The following SLCO1A2 variants were observed in gnomAD, a reference collection of about 807,000 sequenced individuals.
SLCO1A2 encodes the protein solute carrier organic anion transporter family member 1A2.
In SLCO1A2, 67 loss-of-function variants were observed where a neutral mutation model predicts 69.0. That is an observed-to-expected ratio of 0.97 (90% confidence interval 0.80 to 1.19). SLCO1A2 has a LOEUF of 1.19. Ranked by LOEUF, SLCO1A2 falls within the 50% of genes most tolerant of loss-of-function variation. The pLI is 0.00. For missense variants in SLCO1A2, 787 were observed against 793.7 expected, an observed-to-expected ratio of 0.99 and a Z score of 0.10; for synonymous variants, 260 against 265.9, an observed-to-expected ratio of 0.98 and a Z score of 0.22.
intron 6 of SLCO1A2, among the ~76,000 whole-genome samples, chr12:21,303,141 A>G (rs542862907): frequency 3.8e-4 from 58 of 152,276 alleles, no homozygotes; most frequent in Middle Eastern, 3.4e-3. Flanking sequence ...ATACATATAT[A>G]TACACACTAC....
chr12:21,358,741 G>A (rs901384592), intron 2 of SLCO1A2, among the ~76,000 whole-genome samples: 14 of 139,772 alleles, frequency 1.0e-4, no homozygotes, highest in African/African-American at 3.8e-4. Flanking sequence ...AATAAAAAGC[G>A]GTTTGTTGGA....
At chr12:21,301,118 C>T in intron 7 of SLCO1A2, 53 bp downstream of exon 7, 1 of 1,109,510 alleles carries the variant, frequency 9.0e-7, no homozygotes, top group Non-Finnish European at 1.3e-6. Flanking sequence ...GATAACATAC[C>T]TGAGATGCTT....
At position 21,359,309 on chromosome 12, in the gene SLCO1A2, A is replaced by G. The variant is rs137888462; in HGVS notation, c.-63+15090T>C. Among the ~76,000 whole-genome samples the G allele has an allele frequency of 1.2e-3, 181 of 152,340 alleles. 2 individuals are homozygous for G. Among genetic ancestry groups the G allele is most frequent in the Middle Eastern group, 6.8e-3 (2 of 294 alleles). ...GAAACCAATCACCATAAAGGGAAGA[A>G]GAAAAACACTAGTTTAAAAACAGGG... On this transcript the variant is annotated intron_variant, in intron 2 of 15. Transcript: ENST00000307378.
chr12:21,316,647 CAT>C (rs1176574047), intron 3 of SLCO1A2, among the ~76,000 whole-genome samples: 1 of 151,576 alleles, frequency 6.6e-6, no homozygotes, highest in Admixed American at 6.6e-5. Flanking sequence ...CTTCTCTTAA[CAT>C]AGACTCCTTT....
At chr12:21,332,438 G>A (rs986125027) in intron 2 of SLCO1A2, among the ~76,000 whole-genome samples, 16 of 152,088 alleles carry the variant, frequency 1.1e-4, no homozygotes, top group African/African-American at 3.9e-4. Context: ...GGATATAAAT[G>A]TTTCTTATCA....
At chr12:21,305,259 G>A (rs1321273459) in intron 5 of SLCO1A2, among the ~76,000 whole-genome samples, 2 of 152,324 alleles carry the variant, frequency 1.3e-5, no homozygotes, top group African/African-American at 4.8e-5. Context: ...GAGAAAGATA[G>A]GGAGATCTCT....
Position 21,414,461 on chromosome 12 carries a change from G to T in SLCO1A2, c.-312+3421C>A, listed in dbSNP as rs1335675076. Among the ~76,000 whole-genome samples the T allele has an allele frequency of 2.6e-5, 4 of 151,840 alleles. No homozygotes were observed. In the East Asian group the frequency reaches 7.7e-4, roughly 29 times the overall value. ...AATTTTTTTTAATTTCCAAATATGT[G>T]GAATTTCGTATTTATGTTTTGCCAT... On this transcript the variant is annotated intron_variant, in intron 1 of 4. Transcript: ENST00000413682.
chr12:21,317,974 C>T (rs1951090100), intron 3 of SLCO1A2, among the ~76,000 whole-genome samples: 1 of 151,934 alleles, frequency 6.6e-6, no homozygotes, highest in African/African-American at 2.4e-5. Context: ...ATTCAGAGAG[C>T]TATAAAAGCA....
At chr12:21,286,990 A>G (rs1945930062) in intron 12 of SLCO1A2, among the ~76,000 whole-genome samples, 2 of 147,466 alleles carry the variant, frequency 1.4e-5, no homozygotes, top group Non-Finnish European at 3.0e-5. Context: ...CAATGGCAAC[A>G]AAAGCCAAAA....
chr12:21,411,102 A>C (rs1477001740), intron 1 of SLCO1A2, among the ~76,000 whole-genome samples: 1 of 152,124 alleles, frequency 6.6e-6, no homozygotes, highest in Non-Finnish European at 1.5e-5. Flanking sequence ...CTTGGGCCTG[A>C]GGAAGAAAAA....
chr12:21,360,287 T>C (rs1306326268), intron 2 of SLCO1A2, among the ~76,000 whole-genome samples: 1 of 152,248 alleles, frequency 6.6e-6, no homozygotes, highest in Non-Finnish European at 1.5e-5. Flanking sequence ...AAATTATACA[T>C]TTTAAATATG....
At chr12:21,365,153 A>G (rs1939270412) in intron 2 of SLCO1A2, among the ~76,000 whole-genome samples, 1 of 152,232 alleles carries the variant, frequency 6.6e-6, no homozygotes, top group Non-Finnish European at 1.5e-5. Flanking sequence ...ACTATACTAC[A>G]AGGCTACAGT....
chr12:21,334,807 C>A lies in SLCO1A2; in HGVS notation c.-63+20G>T. On this transcript the variant is annotated intron_variant, in intron 1 of 14. Coordinates refer to ENST00000683939, the MANE Select transcript of SLCO1A2 (RefSeq NM_001386879.1). ...TGAAAATGAACAACATAATTGAAAT[C>A]CATTGCATTACAAAAATACCTGGAA... is the stretch of plus-strand genomic sequence containing the variant. The A allele has an allele frequency of 1.7e-6, 1 of 575,186 alleles. No homozygotes were observed. The highest frequency in any genetic ancestry group is 3.0e-6 in the Non-Finnish European group (1 of 333,248). 35.6% of individuals were successfully genotyped at this position (575,186 alleles called of 1,614,324 possible).
intron 2 of SLCO1A2, among the ~76,000 whole-genome samples, chr12:21,361,159 T>C (rs1225429248): frequency 7.5e-6 from 1 of 133,872 alleles, no homozygotes; most frequent in African/African-American, 2.9e-5. Context: ...AGACACCTCA[T>C]ACGGGGGATG....
rs768128728 is a variant in SLCO1A2, at chr12:21,334,588, C to T, written c.60G>A (p.Lys20=). 5.6e-6 allele frequency: 9 copies of T among 1,607,842 alleles called. No homozygotes were observed. The South Asian group carries it at 1.0e-4, about 18-fold the overall frequency. ...THRIRCLSKL[K]MFLLAITCAF... ...ATATCCACATACAAAAATTCCATAC[C>T]TTCAACTTGGAAAGACATCTTATTC... is the stretch of plus-strand genomic sequence containing the variant. Residue 20 remains lysine (K), a splice_region_variant and synonymous_variant, in exon 2 of 15, where the codon AAG becomes AAA. Transcript: ENST00000683939.
chr12:21,280,286 A>C (rs1333820200), intron 12 of SLCO1A2, among the ~76,000 whole-genome samples: 1 of 152,122 alleles, frequency 6.6e-6, no homozygotes, highest in African/African-American at 2.4e-5. Flanking sequence ...CAATGACATA[A>C]AGTAGCTGAA....
At position 21,343,043 on chromosome 12, in the gene SLCO1A2, G is replaced by A. The variant is rs375627504; in HGVS notation, c.-62-8334C>T. On this transcript the variant is annotated intron_variant, in intron 2 of 15. Transcript: ENST00000307378. ...GTGGGCAGTAGGACATGAGTCTGAAGCTCAGGCAAAAGGCTAGAGTTACAC... is the reference window on the plus strand; with the variant it reads ...GTGGGCAGTAGGACATGAGTCTGAAACTCAGGCAAAAGGCTAGAGTTACAC... Among the ~76,000 whole-genome samples the A allele has an allele frequency of 7.0e-4, 107 of 152,194 alleles. 1 individual carries two copies. The highest frequency in any genetic ancestry group is 2.5e-3 in the African/African-American group (104 of 41,550).
chr12:21,291,563 A>T (rs781527704), intron 12 of SLCO1A2, among the ~76,000 whole-genome samples: 102 of 152,216 alleles, frequency 6.7e-4, no homozygotes, highest in Non-Finnish European at 1.1e-3. Flanking sequence ...ATTGTTTACT[A>T]GGCACAAAGA....
At chr12:21,347,274 A>G (rs1220798659) in intron 2 of SLCO1A2, among the ~76,000 whole-genome samples, 2 of 152,230 alleles carry the variant, frequency 1.3e-5, no homozygotes, top group Non-Finnish European at 2.9e-5. Context: ...ACACAAAACC[A>G]GAGGCAGAAT....
Sources: allele counts gnomAD v4.1 joint callset (sites outside exome capture counted in the v4.1 genomes callset), GRCh38; gene constraint gnomAD v4.1.1; transcripts MANE v1.5; gene names NCBI Gene and HGNC (gene_info 2026-07-23, HGNC 2026-07-21).